Variants in LAMA2 observed in about 807,000 individuals in gnomAD.
LAMA2 encodes the protein laminin subunit alpha-2.
In LAMA2, 269 loss-of-function variants were observed where a neutral mutation model predicts 364.8. The ratio of observed to expected loss-of-function variants is 0.74; its 90% CI spans 0.67 to 0.82. The LOEUF (loss-of-function observed/expected upper bound fraction) is 0.82. Ranked by LOEUF, LAMA2 falls within the 40% of genes least tolerant of loss-of-function variation. The probability of loss-of-function intolerance (pLI) is 0.00; values close to 1 mark genes in which losing one functional copy is unlikely to be tolerated. For synonymous variants in LAMA2, 1,379 were observed against 1,370.6 expected (o/e 1.01, Z -0.14); for missense variants, 3,807 against 3,873.2 (o/e 0.98, Z 0.45).
At chr6:129,511,291 C>G (rs540940098) in intron 62 of LAMA2, among the ~76,000 whole-genome samples, 36 of 152,202 alleles carry the variant, frequency 2.4e-4, no homozygotes, top group Non-Finnish European at 5.1e-4. Context: ...TCCTTCTGTC[C>G]TCAGCCGAAC....
At chr6:129,357,298 TTA>T (rs1427538193) in intron 32 of LAMA2, among the ~76,000 whole-genome samples, 7 of 152,062 alleles carry the variant, frequency 4.6e-5, no homozygotes, top group African/African-American at 7.2e-5. Context: ...TTAAAATAGA[TTA>T]TGAGTGGCAT....
intron 4 of LAMA2, among the ~76,000 whole-genome samples, chr6:129,121,933 T>C (rs1776825385): frequency 6.6e-6 from 1 of 152,204 alleles, no homozygotes; most frequent in East Asian, 1.9e-4. Flanking sequence ...AGGTATCTTA[T>C]TTGTCGCTTC....
chr6:129,514,452 G>T lies in LAMA2; in HGVS notation c.9068G>T (p.Gly3023Val). The stretch of plus-strand genomic sequence containing the variant: ...GGGGTTCCAGGGCATTTGTGTGATG[G>T]ACAATGGCATAAAGTCACTGCCAAC... ...DAGVPGHLCD[G>V]QWHKVTANKI... The change falls in exon 64 of 65, where the codon GGA (glycine) becomes GTA (valine). Residue 3023 changes from glycine to valine, a missense_variant. This residue lies in a region of LAMA2 where 3,333 missense variants were observed against 3,345.7 expected (regional missense o/e 1.00). Coordinates refer to ENST00000421865, the MANE Select transcript of LAMA2 (RefSeq NM_000426.4). 6.2e-7 allele frequency: 1 copy of T among 1,613,970 alleles called. No homozygotes were observed. Among genetic ancestry groups the T allele is most frequent in the Non-Finnish European group, 8.5e-7 (1 of 1,179,934 alleles).
intron 35 of LAMA2, among the ~76,000 whole-genome samples, chr6:129,385,925 T>C (rs1778989798): frequency 6.6e-6 from 1 of 152,150 alleles, no homozygotes; most frequent in Non-Finnish European, 1.5e-5. Flanking sequence ...TACTTACCTT[T>C]ATAGATACTG....
rs560389323 is a variant in LAMA2 at position 128,921,946 on chromosome 6, G to A, written c.112+38589G>A. On this transcript the variant is annotated intron_variant, in intron 1 of 64. Coordinates refer to ENST00000421865, the MANE Select transcript of LAMA2 (RefSeq NM_000426.4). ...TTGTTCAATTCCCACCTATGAGTGA[G>A]AATATGCGGTGTTTGGTTTTTTGTC... Among the ~76,000 whole-genome samples, 1,161 of 146,460 alleles carry A rather than the reference G, an allele frequency of 7.9e-3. 17 individuals are homozygous for A. The highest frequency in any genetic ancestry group is 0.037 in the Middle Eastern group (10 of 268).
intron 20 of LAMA2, among the ~76,000 whole-genome samples, chr6:129,294,813 T>G (rs1789972292): frequency 6.6e-6 from 1 of 152,002 alleles, no homozygotes; most frequent in Non-Finnish European, 1.5e-5. Flanking sequence ...GCATAGAGAG[T>G]TTTTAGTAAA....
chr6:129,041,605 A>T (rs1787101168), intron 1 of LAMA2, among the ~76,000 whole-genome samples: 1 of 152,358 alleles, frequency 6.6e-6, no homozygotes, highest in East Asian at 1.9e-4. Flanking sequence ...CATATGTGTC[A>T]TATTTCTATA....
chr6:129,446,931 G>A (rs1193299492), intron 45 of LAMA2, among the ~76,000 whole-genome samples: 2 of 152,058 alleles, frequency 1.3e-5, no homozygotes, highest in African/African-American at 4.8e-5. Flanking sequence ...TGTTACATAA[G>A]ATCAGAGTAG....
At chr6:129,197,430 G>T (rs961570104) in intron 12 of LAMA2, among the ~76,000 whole-genome samples, 1 of 152,104 alleles carries the variant, frequency 6.6e-6, no homozygotes, top group Non-Finnish European at 1.5e-5. Flanking sequence ...TTACTCTTTC[G>T]ACCAATTGCC....
At chr6:129,167,822 C>A (rs1252760805) in intron 9 of LAMA2, among the ~76,000 whole-genome samples, 1 of 151,350 alleles carries the variant, frequency 6.6e-6, no homozygotes, top group Non-Finnish European at 1.5e-5. Flanking sequence ...CTCTCCAGCA[C>A]CTGTTGTTTC....
intron 17 of LAMA2, among the ~76,000 whole-genome samples, chr6:129,271,166 G>A (rs879643022): frequency 2.0e-5 from 3 of 151,952 alleles, no homozygotes; most frequent in Admixed American, 1.3e-4. Context: ...TGAATCTTGG[G>A]CAAGTCGTAA....
At chr6:129,362,359 A>G (rs1042072501) in intron 32 of LAMA2, among the ~76,000 whole-genome samples, 4 of 151,972 alleles carry the variant, frequency 2.6e-5, no homozygotes, top group African/African-American at 7.3e-5. Context: ...GAGGTTTTCT[A>G]TCTTGTTCTC....
At chr6:128,996,003 C>A (rs1334714553) in intron 1 of LAMA2, among the ~76,000 whole-genome samples, 1 of 152,074 alleles carries the variant, frequency 6.6e-6, no homozygotes, top group Non-Finnish European at 1.5e-5. Context: ...ATAGTATCAA[C>A]ATGACAAAAC....
intron 3 of LAMA2, among the ~76,000 whole-genome samples, chr6:129,074,846 A>G (rs944754574): frequency 1.3e-5 from 2 of 152,216 alleles, no homozygotes; most frequent in African/African-American, 4.8e-5. Context: ...AGTAGGCCTA[A>G]ACAAAGCAGG....
intron 1 of LAMA2, among the ~76,000 whole-genome samples, chr6:128,934,932 A>G (rs1285898709): frequency 6.6e-6 from 1 of 152,182 alleles, no homozygotes; most frequent in Non-Finnish European, 1.5e-5. Context: ...TGAACACAGA[A>G]AGTCTTTCCA....
intron 3 of LAMA2, among the ~76,000 whole-genome samples, chr6:129,069,783 ATAAT>A (rs1773186500): frequency 6.7e-6 from 1 of 148,304 alleles, no homozygotes; most frequent in African/African-American, 2.4e-5. Flanking sequence ...TGTATAATGT[ATAAT>A]TATATACAAT....
chr6:129,492,837 T>C (rs1341693153), intron 58 of LAMA2, among the ~76,000 whole-genome samples: 1 of 152,226 alleles, frequency 6.6e-6, no homozygotes, highest in Non-Finnish European at 1.5e-5. Flanking sequence ...GTCCTGTTTT[T>C]AGAAACTAGT....
chr6:129,238,333 T>C (rs1287244672), intron 12 of LAMA2, among the ~76,000 whole-genome samples: 1 of 152,190 alleles, frequency 6.6e-6, no homozygotes. Flanking sequence ...CTATAGAACA[T>C]GAAGAATGGG....
intron 40 of LAMA2, among the ~76,000 whole-genome samples, chr6:129,413,271 G>A (rs529195178): frequency 2.0e-5 from 3 of 152,040 alleles, no homozygotes; most frequent in South Asian, 2.1e-4. Flanking sequence ...GAGCCTGCAA[G>A]GTCATAATAA....
Sources: gnomAD v4.1 joint callset for allele counts (sites outside exome capture counted in the v4.1 genomes callset) on GRCh38, gnomAD v4.1.1 for gene constraint, gnomAD v4.1.1 regional missense constraint, MANE v1.5 for transcripts, NCBI Gene and HGNC (gene_info 2026-07-23, HGNC 2026-07-21) for gene names.